OSBPL9: variants seen among roughly 807,000 people sequenced by gnomAD.
OSBPL9 encodes oxysterol-binding protein-related protein 9.
OSBPL9 carries 40 observed loss-of-function variants against 106.6 expected under a neutral mutation model. The observed-to-expected ratio is 0.38, with a 90% CI of 0.29 to 0.49. OSBPL9 has a LOEUF of 0.49. Among genes scored for constraint, OSBPL9 ranks in the 20% least tolerant of loss-of-function variants. OSBPL9 has a pLI of 0.97. For synonymous variants in OSBPL9, 269 were observed against 295.4 expected, an observed-to-expected ratio of 0.91 and a Z score of 0.92; for missense variants, 609 against 887.2, an observed-to-expected ratio of 0.69 and a Z score of 3.98.
At position 51,756,350 on chromosome 1, in the gene OSBPL9, G is replaced by A. The variant is rs1237287128; in HGVS notation, c.574G>A (p.Gly192Arg). The change falls in exon 9 of 24, where the codon GGA becomes AGA. Residue 192 changes from glycine to arginine, a missense_variant. By Grantham distance (125) the Gly-to-Arg change is moderately radical. This residue lies in a region of OSBPL9 where 356 missense variants were observed against 505.8 expected (regional missense o/e 0.70). Transcript: ENST00000428468. ...DQSNAEKHAD[G>R]MISTINPVDA... ...GAGTAATGCGGAGAAGCACGCAGAT[G>A]GAATGATAGTAAGTTTAATGTAATC... 1 of 1,612,866 alleles carries A rather than the reference G, an allele frequency of 6.2e-7. No individual in the cohort carries two copies. The highest frequency in any genetic ancestry group is 8.5e-7 in the Non-Finnish European group (1 of 1,179,302).
chr1:51,584,338 C>T (rs1645236181), intron 1 of OSBPL9, among the ~76,000 whole-genome samples: 1 of 152,170 alleles, frequency 6.6e-6, no homozygotes, highest in Non-Finnish European at 1.5e-5. Flanking sequence ...CACAAACTCA[C>T]CATGTGACTT....
intron 14 of OSBPL9, among the ~76,000 whole-genome samples, chr1:51,775,764 C>T (rs747709208): frequency 6.6e-6 from 1 of 152,026 alleles, no homozygotes; most frequent in Non-Finnish European, 1.5e-5. Context: ...GTGTGCGCCA[C>T]CACACTCAGG....
intron 1 of OSBPL9, among the ~76,000 whole-genome samples, chr1:51,639,227 C>T (rs1012107824): frequency 6.6e-6 from 1 of 152,052 alleles, no homozygotes; most frequent in South Asian, 2.1e-4. Flanking sequence ...TGTCCCATGC[C>T]CTAGAACCAG....
the OSBPL9 span, among the ~76,000 whole-genome samples, chr1:51,526,670 G>T: frequency 1.1e-4 from 17 of 152,008 alleles, no homozygotes; most frequent in Non-Finnish European, 2.4e-4. Context: ...GTTTTCCATT[G>T]ATGGCATTTT....
chr1:51,600,449 A>G lies in OSBPL9; in HGVS notation c.-353+2256A>G, dbSNP rs72894194. ...CTTCCATAAAAAAGCATTTAAAGAT[A>G]TATTTATGACTGCATCAGCATAAAG... On this transcript the variant is annotated intron_variant, in intron 2 of 25. Transcript: ENST00000371714. Among the ~76,000 whole-genome samples, 1,076 of 152,326 alleles carry G rather than the reference A, an allele frequency of 7.1e-3. 10 individuals are homozygous for G. Among genetic ancestry groups the G allele is most frequent in the African/African-American group, 0.025 (1,034 of 41,566 alleles).
intron 3 of OSBPL9, among the ~76,000 whole-genome samples, chr1:51,706,248 G>A (rs1272990997): frequency 2.0e-5 from 3 of 152,242 alleles, no homozygotes; most frequent in Admixed American, 1.3e-4. Context: ...CTACCAAAAG[G>A]GTACTTTCCT....
chr1:51,566,963 C>G, the OSBPL9 span, among the ~76,000 whole-genome samples: 12 of 152,230 alleles, frequency 7.9e-5, no homozygotes, highest in African/African-American at 2.9e-4. Context: ...GTGTGAAACA[C>G]TCATTCTCCA....
chr1:51,721,185 A>G (rs555923213), intron 4 of OSBPL9, among the ~76,000 whole-genome samples: 16 of 150,366 alleles, frequency 1.1e-4, no homozygotes, highest in Admixed American at 9.9e-4. Context: ...TAAAGCCCCT[A>G]GAGAGAAAGG....
chr1:51,558,504 G>C, the OSBPL9 span, among the ~76,000 whole-genome samples: 1 of 152,080 alleles, frequency 6.6e-6, no homozygotes, highest in Non-Finnish European at 1.5e-5. Context: ...GATGCAGAGT[G>C]CAGCTGGCAC....
At chr1:51,761,818 G>A (rs750955276) in intron 10 of OSBPL9, 49 bp from the exon 11 acceptor site, 1 of 1,340,692 alleles carries the variant, frequency 7.5e-7, no homozygotes, top group East Asian at 2.3e-5. Flanking sequence ...TCAATAGAAT[G>A]TGTGTTTGGC....
rs150255440 is a variant in OSBPL9, at chr1:51,752,567, AC to A, written c.543+2373del. 600 of 455,752 alleles carry A rather than the reference AC, an allele frequency of 1.3e-3. 2 individuals carry two copies. The highest frequency in any genetic ancestry group is 0.011 in the African/African-American group (564 of 50,172). 28.2% of individuals were successfully genotyped at this position (455,752 alleles called of 1,614,324 possible). A position where few individuals can be genotyped will look rare whatever the true frequency, so the allele number is the denominator to read the frequency against. ...GTATTAGTCTGCATGGGCTGCCATAACAAAATACCATAGACTGGGTGGCTTA... is the reference window on the plus strand; with the variant it reads ...GTATTAGTCTGCATGGGCTGCCATAAAAAATACCATAGACTGGGTGGCTTA... On this transcript the variant is annotated intron_variant, in intron 8 of 23. Coordinates refer to ENST00000428468, the MANE Select transcript of OSBPL9 (RefSeq NM_024586.6).
chr1:51,568,771 C>G, the OSBPL9 span, among the ~76,000 whole-genome samples: 1 of 152,130 alleles, frequency 6.6e-6, no homozygotes, highest in Non-Finnish European at 1.5e-5. Context: ...GCTCTATCAG[C>G]CAGGCTAGAG....
At chr1:51,595,835 A>G (rs550121404) in intron 1 of OSBPL9, among the ~76,000 whole-genome samples, 1 of 152,314 alleles carries the variant, frequency 6.6e-6, no homozygotes, top group East Asian at 1.9e-4. Flanking sequence ...ACAGATGAAC[A>G]AACTGAGATT....
Position 51,772,130 on chromosome 1 carries a change from A to G in OSBPL9, c.999A>G (p.Pro333=). ...GCTCGGGAAATAGTCTAAAACGCCCAGATACCACAGAATCACTTAATTCTT... is the reference window on the plus strand; with the variant it reads ...GCTCGGGAAATAGTCTAAAACGCCCGGATACCACAGAATCACTTAATTCTT... ...HSSSGNSLKR[P]DTTESLNSSL... is the part of the protein sequence containing the mutation. Residue 333 remains proline, a synonymous_variant, in exon 13 of 24, where the codon CCA becomes CCG. Transcript: ENST00000428468. 6.2e-7 allele frequency: 1 copy of G among 1,614,094 alleles called. No homozygotes were observed. Among genetic ancestry groups the G allele is most frequent in the African/African-American group, 1.3e-5 (1 of 75,068 alleles).
rs1458534243 is a variant in OSBPL9 at position 51,784,215 on chromosome 1, G to GT, written c.1625-48dup. 5 of 1,573,658 alleles carry GT rather than the reference G, an allele frequency of 3.2e-6. No individual in the cohort carries two copies. The South Asian group carries it at 3.3e-5, about 10-fold the overall frequency. ...ACCATCAGCTCGACAAGAAAGCCTT[G>GT]TGGCCACTTGGCACTACTCATCAGA... On this transcript the variant is annotated intron_variant, in intron 18 of 23. Transcript: ENST00000428468.
Position 51,776,892 on chromosome 1 carries a change from T to C in OSBPL9, c.1230T>C (p.Phe410=). The change falls in exon 15 of 24, where the codon TTT becomes TTC. Residue 410 remains phenylalanine (F), a synonymous_variant. Coordinates refer to ENST00000428468, the MANE Select transcript of OSBPL9 (RefSeq NM_024586.6). ...CTCTTTTAGAAATGTATGCAGACTTTTTTGCACATCCGGACCTGTTTGTGA... is the reference window on the plus strand; with the variant it reads ...CTCTTTTAGAAATGTATGCAGACTTCTTTGCACATCCGGACCTGTTTGTGA... ...RRSLLEMYAD[F]FAHPDLFVSI... 1 of 1,612,808 alleles carries C rather than the reference T, an allele frequency of 6.2e-7. No individual in the cohort carries two copies. Among genetic ancestry groups the C allele is most frequent in the Non-Finnish European group, 8.5e-7 (1 of 1,178,786 alleles).
At chr1:51,534,237 G>A in the OSBPL9 span, among the ~76,000 whole-genome samples, 1 of 151,050 alleles carries the variant, frequency 6.6e-6, no homozygotes, top group Non-Finnish European at 1.5e-5. Flanking sequence ...TGTTTATCAT[G>A]TTATGAAGTC....
At chr1:51,609,769 C>T (rs1368819038) in intron 2 of OSBPL9, among the ~76,000 whole-genome samples, 29 of 144,158 alleles carry the variant, frequency 2.0e-4, no homozygotes, top group African/African-American at 2.8e-4. Context: ...TTTTTTTAGA[C>T]GGAGTTTTGC....
chr1:51,720,792 A>T (rs1225317904), intron 4 of OSBPL9, among the ~76,000 whole-genome samples: 17 of 101,124 alleles, frequency 1.7e-4, no homozygotes, highest in South Asian at 5.8e-4. Context: ...TCAAATTGGA[A>T]TTTTTTTTTT....
Sources: allele counts gnomAD v4.1 joint callset (sites outside exome capture counted in the v4.1 genomes callset), GRCh38; gene constraint gnomAD v4.1.1; regional missense constraint gnomAD v4.1.1; transcripts MANE v1.5; gene names NCBI Gene and HGNC (gene_info 2026-07-23, HGNC 2026-07-21).